Variants in OPCML observed in about 807,000 individuals in gnomAD.
OPCML encodes the protein opioid binding protein/cell adhesion molecule like.
Under a neutral mutation model 37.8 loss-of-function variants are expected in OPCML, and 13 were observed. The observed-to-expected ratio is 0.34, with a 90% CI of 0.22 to 0.55. The LOEUF (loss-of-function observed/expected upper bound fraction) is 0.55, where lower values mean the gene tolerates loss of function less well. OPCML is among the 20% of genes least tolerant of loss of function. OPCML has a pLI of 0.91. For missense variants in OPCML, 341 were observed against 435.6 expected (o/e 0.78, Z 1.93); for synonymous variants, 176 against 168.8 (o/e 1.04, Z -0.33).
intron 1 of OPCML, among the ~76,000 whole-genome samples, chr11:133,099,713 C>G (rs971646877): frequency 2.6e-5 from 4 of 152,186 alleles, no homozygotes; most frequent in Admixed American, 6.5e-5. Flanking sequence ...GCATGTCTGT[C>G]TTCTTTTGAG....
intron 1 of OPCML, among the ~76,000 whole-genome samples, chr11:133,119,593 C>T (rs1949390166): frequency 6.6e-6 from 1 of 152,148 alleles, no homozygotes; most frequent in Admixed American, 6.5e-5. Flanking sequence ...AGAAACCATT[C>T]ACCTGACATA....
chr11:133,130,545 TAGATAG>T (rs1949588175), intron 1 of OPCML, among the ~76,000 whole-genome samples: 1 of 152,172 alleles, frequency 6.6e-6, no homozygotes, highest in Non-Finnish European at 1.5e-5. Context: ...TTCGTGTTCA[TAGATAG>T]AAAGACAATA....
At chr11:133,496,563 C>G (rs1947792242) in intron 1 of OPCML, among the ~76,000 whole-genome samples, 2 of 152,132 alleles carry the variant, frequency 1.3e-5, no homozygotes, top group Non-Finnish European at 2.9e-5. Flanking sequence ...TTTGTGTCAT[C>G]TATGATTTCT....
intron 1 of OPCML, among the ~76,000 whole-genome samples, chr11:133,140,727 C>CA (rs141698735): frequency 9.2e-6 from 1 of 108,172 alleles, no homozygotes; most frequent in African/African-American, 3.0e-5. Context: ...AGACGGAAGA[C>CA]GACGACGACG....
At chr11:132,749,784 G>A (rs1945769159) in intron 2 of OPCML, among the ~76,000 whole-genome samples, 1 of 152,194 alleles carries the variant, frequency 6.6e-6, no homozygotes, top group Non-Finnish European at 1.5e-5. Context: ...AGGGATTGTG[G>A]TAGATGCCCC....
At chr11:132,628,834 C>A (rs369232853) in intron 3 of OPCML, among the ~76,000 whole-genome samples, 4 of 152,118 alleles carry the variant, frequency 2.6e-5, no homozygotes, top group Non-Finnish European at 5.9e-5. Flanking sequence ...TTATAAGCAG[C>A]TTTTCCGTCT....
At position 133,046,815 on chromosome 11, in the gene OPCML, G is replaced by A. The variant is rs778424782; in HGVS notation, c.62-103805C>T. 9.3e-4 allele frequency among the ~76,000 whole-genome samples: 141 copies of A among 152,102 alleles called. 4 individuals are homozygous for A. Among genetic ancestry groups the A allele is most frequent in the Non-Finnish European group, 3.2e-4 (22 of 68,032 alleles). ...TTAACAGCAGTCTCCTCTTGGAGATGTAAATATTCATAAACATATCAACTC... is the reference window on the plus strand; with the variant it reads ...TTAACAGCAGTCTCCTCTTGGAGATATAAATATTCATAAACATATCAACTC... On this transcript the variant is annotated intron_variant, in intron 1 of 7. Coordinates refer to ENST00000524381, the MANE Select transcript of OPCML (RefSeq NM_001012393.5).
At position 132,750,596 on chromosome 11, in the gene OPCML, C is replaced by T. The variant is rs140133651; in HGVS notation, c.147-93277G>A. On this transcript the variant is annotated intron_variant, in intron 2 of 7. Coordinates refer to ENST00000524381, the MANE Select transcript of OPCML (RefSeq NM_001012393.5). The stretch of plus-strand genomic sequence containing the variant: ...AGGAGAGACAGGAAAGATAGGAGAT[C>T]TGAAGATCATTTTATTGAATTTTGC... Among the ~76,000 whole-genome samples the T allele has an allele frequency of 5.7e-3, 867 of 152,274 alleles. 7 individuals carry two copies. Among genetic ancestry groups the T allele is most frequent in the African/African-American group, 0.02 (813 of 41,548 alleles).
rs557637540 is a variant in OPCML, at chr11:133,125,667, T to C, written c.62-182657A>G. On this transcript the variant is annotated intron_variant, in intron 1 of 7. Coordinates refer to ENST00000524381, the MANE Select transcript of OPCML (RefSeq NM_001012393.5). Reference sequence around the variant, plus strand: ...ACATGTGTCTATATATACATGTATATAGTATAGTATATGTATATAGTATAT... The same window carrying C: ...ACATGTGTCTATATATACATGTATACAGTATAGTATATGTATATAGTATAT... Among the ~76,000 whole-genome samples the C allele has an allele frequency of 9.1e-5, 12 of 131,192 alleles. 1 individual carries two copies. Among genetic ancestry groups the C allele is most frequent in the Non-Finnish European group, 1.9e-4 (12 of 62,674 alleles). The allele number at this position is 131,192 out of a possible 152,430, so 86.1% of individuals were successfully genotyped here.
At chr11:133,526,875 G>A (rs1398282184) in intron 1 of OPCML, among the ~76,000 whole-genome samples, 2 of 152,226 alleles carry the variant, frequency 1.3e-5, no homozygotes, top group Non-Finnish European at 2.9e-5. Context: ...GCCGCCCCAA[G>A]GTGAAGCCAC....
intron 3 of OPCML, among the ~76,000 whole-genome samples, chr11:132,654,493 C>T (rs780048903): frequency 6.6e-5 from 10 of 151,612 alleles, no homozygotes; most frequent in Non-Finnish European, 1.3e-4. Context: ...AAGCTCCTCC[C>T]CAAGAGAAGC....
At position 132,542,662 on chromosome 11, in the gene OPCML, G is replaced by C. The variant is rs533979289; in HGVS notation, c.380-13476C>G. Among the ~76,000 whole-genome samples the C allele has an allele frequency of 3.9e-5, 6 of 152,274 alleles. No homozygotes were observed. The South Asian group carries it at 1.2e-3, about 32-fold the overall frequency. ...CCCCCCACACCCAGAGCTTTCCAAT[G>C]ATGAATGGGCTGCAGGTCTCTGTTG... On this transcript the variant is annotated intron_variant, in intron 3 of 7. Coordinates refer to ENST00000524381, the MANE Select transcript of OPCML (RefSeq NM_001012393.5).
chr11:132,618,331 C>A (rs2137895609), intron 3 of OPCML, among the ~76,000 whole-genome samples: 1 of 152,176 alleles, frequency 6.6e-6, no homozygotes, highest in Non-Finnish European at 1.5e-5. Context: ...ATGGTGAAAC[C>A]CCATCTGTAC....
chr11:132,537,774 C>T (rs1327075851), intron 3 of OPCML, among the ~76,000 whole-genome samples: 1 of 152,016 alleles, frequency 6.6e-6, no homozygotes, highest in Non-Finnish European at 1.5e-5. Context: ...AATAATTCTC[C>T]AAAGAAGATA....
intron 1 of OPCML, among the ~76,000 whole-genome samples, chr11:132,979,716 A>G (rs1363709187): frequency 1.3e-5 from 2 of 152,260 alleles, no homozygotes; most frequent in East Asian, 3.8e-4. Flanking sequence ...AAAAATGTGA[A>G]GCTGGGAAAG....
intron 3 of OPCML, among the ~76,000 whole-genome samples, chr11:132,550,533 T>C (rs537201854): frequency 2.0e-5 from 3 of 152,346 alleles, no homozygotes; most frequent in African/African-American, 7.2e-5. Flanking sequence ...GTCAATGCCA[T>C]ACTCCCTGCA....
chr11:132,920,903 C>A (rs1411307422), intron 2 of OPCML, among the ~76,000 whole-genome samples: 1 of 152,164 alleles, frequency 6.6e-6, no homozygotes, highest in Non-Finnish European at 1.5e-5. Context: ...ATCTCCTCCC[C>A]ACACCTTGTC....
chr11:133,309,947 T>C (rs965190143), intron 1 of OPCML, among the ~76,000 whole-genome samples: 2 of 152,222 alleles, frequency 1.3e-5, no homozygotes, highest in Non-Finnish European at 2.9e-5. Flanking sequence ...GAGGTGCTTC[T>C]GGGACATCCA....
At chr11:133,126,873 G>A (rs1178547072) in intron 1 of OPCML, among the ~76,000 whole-genome samples, 1 of 152,180 alleles carries the variant, frequency 6.6e-6, no homozygotes, top group Non-Finnish European at 1.5e-5. Context: ...TGGAAAAGGT[G>A]CATGTCATCA....
Sources: gnomAD v4.1 joint callset for allele counts (sites outside exome capture counted in the v4.1 genomes callset) on GRCh38, gnomAD v4.1.1 for gene constraint, MANE v1.5 for transcripts, NCBI Gene and HGNC (gene_info 2026-07-23, HGNC 2026-07-21) for gene names.